The following C5orf46 variants were observed in gnomAD, a reference collection of about 807,000 sequenced individuals.
The protein encoded by C5orf46 is uncharacterized protein C5orf46.
In C5orf46, 9 loss-of-function variants were observed where a neutral mutation model predicts 8.9. That is an observed-to-expected ratio of 1.01 (90% confidence interval 0.61 to 1.76). The LOEUF is 1.76. Ranked by LOEUF, C5orf46 falls within the 40% of genes most tolerant of loss-of-function variation. The pLI is 0.00. For missense variants in C5orf46, 98 were observed against 107.8 expected (o/e 0.91, Z 0.40); for synonymous variants, 47 against 41.4 (o/e 1.14, Z -0.52).
At chr5:147,906,262 AT>A (rs1476832330) in intron 1 of C5orf46, among the ~76,000 whole-genome samples, 169 bp downstream of exon 1, 1 of 152,220 alleles carries the variant, frequency 6.6e-6, no homozygotes, top group African/African-American at 2.4e-5. Context: ...TTTTATTAAA[AT>A]TCTACTTTCT....
downstream of C5orf46, among the ~76,000 whole-genome samples, chr5:147,887,909 A>G (rs1034037838): frequency 6.6e-6 from 1 of 152,152 alleles, no homozygotes; most frequent in Non-Finnish European, 1.5e-5. Flanking sequence ...GAACTGAAAC[A>G]TCACCTGTGT....
At chr5:147,890,522 C>T (rs565671646), downstream of C5orf46, among the ~76,000 whole-genome samples, 125 of 151,936 alleles carry the variant, frequency 8.2e-4, no homozygotes, top group Non-Finnish European at 1.5e-3. Context: ...AATATATATC[C>T]ATAGGAGGAA....
intron 2 of C5orf46, among the ~76,000 whole-genome samples, chr5:147,898,337 G>A (rs933200029): frequency 3.9e-5 from 6 of 152,064 alleles, no homozygotes; most frequent in Non-Finnish European, 2.9e-5. Context: ...TCAGCAATTC[G>A]ATGAAGGTGA....
chr5:147,902,024 G>A (rs1757679952), intron 1 of C5orf46, among the ~76,000 whole-genome samples: 1 of 152,192 alleles, frequency 6.6e-6, no homozygotes, highest in African/African-American at 2.4e-5. Context: ...CCTGGTGAGT[G>A]AGAAAACCAA....
At chr5:147,887,433 A>C (rs1316337717) in intron 2 of C5orf46, 2 of 152,144 alleles carry the variant, frequency 1.3e-5, no homozygotes, top group African/African-American at 4.8e-5. Flanking sequence ...TTCTGTCCTT[A>C]ACTCTCTCAT....
intron 2 of C5orf46, among the ~76,000 whole-genome samples, chr5:147,898,593 T>C (rs774869495): frequency 1.3e-4 from 20 of 152,118 alleles, no homozygotes; most frequent in Admixed American, 1.3e-3. Context: ...TTATAGGCAG[T>C]GTTCCCAATG....
At position 147,894,465 on chromosome 5, in the gene C5orf46, T is replaced by C. The variant is rs560059891; in HGVS notation, c.*10-1526A>G. On this transcript the variant is annotated intron_variant, in intron 3 of 3. Coordinates refer to ENST00000318315, the MANE Select transcript of C5orf46 (RefSeq NM_206966.3). ...TTTTTCCAAATACTGTACCTCTCTC[T>C]ACTCATCATATCAGGTTGTGTGTAG... 1.4e-4 allele frequency among the ~76,000 whole-genome samples: 21 copies of C among 152,332 alleles called. No homozygotes were observed. In the South Asian group the frequency reaches 4.1e-3, roughly 30 times the overall value.
At chr5:147,895,329 T>G (rs539756009) in intron 3 of C5orf46, among the ~76,000 whole-genome samples, 1 of 152,160 alleles carries the variant, frequency 6.6e-6, no homozygotes, top group Non-Finnish European at 1.5e-5. Flanking sequence ...CCTAGTTTAA[T>G]GTTTTTTATA....
At chr5:147,903,908 T>G (rs1413403330) in intron 1 of C5orf46, among the ~76,000 whole-genome samples, 2 of 152,088 alleles carry the variant, frequency 1.3e-5, no homozygotes, top group Admixed American at 1.3e-4. Context: ...CCACCACAGC[T>G]GGCTAATTCT....
intron 2 of C5orf46, among the ~76,000 whole-genome samples, chr5:147,899,422 G>A (rs1047262617): frequency 2.0e-5 from 3 of 152,112 alleles, no homozygotes; most frequent in Non-Finnish European, 4.4e-5. Context: ...TCTACCACCC[G>A]CAGATTTATC....
intron 3 of C5orf46, among the ~76,000 whole-genome samples, chr5:147,895,512 C>T (rs2127126581): frequency 6.6e-6 from 1 of 152,264 alleles, no homozygotes; most frequent in South Asian, 2.1e-4. Flanking sequence ...AGTGGCCTGA[C>T]CACGGTTACA....
At chr5:147,897,360 A>G (rs1353750992) in intron 2 of C5orf46, among the ~76,000 whole-genome samples, 1 of 152,236 alleles carries the variant, frequency 6.6e-6, no homozygotes, top group Non-Finnish European at 1.5e-5. Flanking sequence ...AATAGTAGAA[A>G]TTAATAAATA....
chr5:147,885,942 A>G (rs1757411897), intron 2 of C5orf46: 1 of 152,218 alleles, frequency 6.6e-6, no homozygotes, highest in African/African-American at 2.4e-5. Context: ...GTTGTTCTTC[A>G]GTGGATGAAT....
chr5:147,898,632 C>T (rs1053593481), intron 2 of C5orf46, among the ~76,000 whole-genome samples: 2 of 151,880 alleles, frequency 1.3e-5, no homozygotes, highest in Non-Finnish European at 2.9e-5. Context: ...GAACCAAGCA[C>T]GTTTGGAATT....
intron 3 of C5orf46, among the ~76,000 whole-genome samples, chr5:147,896,316 A>G (rs753725977): frequency 6.6e-6 from 1 of 152,166 alleles, no homozygotes; most frequent in Non-Finnish European, 1.5e-5. Context: ...AAAATTTAAG[A>G]ATAATAATAT....
downstream of C5orf46, among the ~76,000 whole-genome samples, chr5:147,892,549 C>T (rs59404183): frequency 2.0e-5 from 3 of 152,034 alleles, no homozygotes; most frequent in East Asian, 1.9e-4. Context: ...TCTGTGAATT[C>T]GAACTTGCTA....
At chr5:147,893,175 G>A (rs1300908215) in intron 3 of C5orf46, among the ~76,000 whole-genome samples, 1 of 152,014 alleles carries the variant, frequency 6.6e-6, no homozygotes, top group Non-Finnish European at 1.5e-5. Flanking sequence ...AAGAATGAAG[G>A]GAGAATGTAC....
chr5:147,887,989 G>A (rs369292121), downstream of C5orf46, among the ~76,000 whole-genome samples: 6 of 152,262 alleles, frequency 3.9e-5, no homozygotes, highest in Admixed American at 1.3e-4. Flanking sequence ...AGGTGTCATG[G>A]TCATGGCCCT....
chr5:147,898,425 G>A (rs1434279937), intron 2 of C5orf46, among the ~76,000 whole-genome samples: 2 of 152,048 alleles, frequency 1.3e-5, no homozygotes, highest in Non-Finnish European at 2.9e-5. Context: ...AATGAGATAT[G>A]GAGGAAGGTT....
Sources: gnomAD v4.1 joint callset for allele counts (sites outside exome capture counted in the v4.1 genomes callset) on GRCh38, gnomAD v4.1.1 for gene constraint, MANE v1.5 for transcripts, NCBI Gene and HGNC (gene_info 2026-07-23, HGNC 2026-07-21) for gene names.